Variants in FAM135A observed in about 807,000 individuals in gnomAD.
FAM135A encodes protein FAM135A.
A neutral mutation model predicts 146.8 loss-of-function variants in FAM135A; 79 were observed. That is an observed-to-expected ratio of 0.54 (90% CI 0.45 to 0.65). FAM135A has a LOEUF of 0.65. Among genes scored for constraint, FAM135A ranks in the 30% least tolerant of loss-of-function variants. FAM135A has a pLI of 0.00. For missense variants in FAM135A, 1,623 were observed against 1,758.2 expected (o/e 0.92, Z 1.38); for synonymous variants, 562 against 603.6 (o/e 0.93, Z 1.01).
intron 20 of FAM135A, among the ~76,000 whole-genome samples, chr6:70,546,264 C>T (rs1355449249): frequency 6.6e-6 from 1 of 152,100 alleles, no homozygotes; most frequent in Non-Finnish European, 1.5e-5. Flanking sequence ...TGTTTTAAAA[C>T]AATCAAAAGT....
chr6:70,526,171 C>T lies in FAM135A; in HGVS notation c.3087C>T (p.Ala1029=). 6.2e-7 allele frequency: 1 copy of T among 1,613,404 alleles called. No homozygotes were observed. Among genetic ancestry groups the T allele is most frequent in the Non-Finnish European group, 8.5e-7 (1 of 1,179,620 alleles). ...TGGGTACAAGTGATCCTTTTTCAGC[C>T]AGTACTGATATAGTAAAGCAAGGGC... The part of the protein sequence containing the change: ...THLGTSDPFS[A]STDIVKQGLV... Residue 1029 remains alanine, a synonymous_variant, in exon 15 of 22, where the codon GCC becomes GCT. Coordinates refer to ENST00000418814, the MANE Select transcript of FAM135A (RefSeq NM_001162529.3).
At chr6:70,477,426 T>A in intron 8 of FAM135A, 94 bp downstream of exon 8, 24 of 1,330,852 alleles carry the variant, frequency 1.8e-5, no homozygotes, top group Non-Finnish European at 2.5e-5. Flanking sequence ...AGAGGTTTAA[T>A]TGGGTCATGG....
At chr6:70,442,737 C>CA (rs138281077) in intron 4 of FAM135A, among the ~76,000 whole-genome samples, 26,259 of 149,972 alleles carry the variant, frequency 0.18, 2,335 homozygotes, top group Middle Eastern at 0.22. Flanking sequence ...CATCATATCC[C>CA]AAAAAAAAAG....
At chr6:70,420,222 C>T (rs960699150) in intron 2 of FAM135A, among the ~76,000 whole-genome samples, 2 of 152,222 alleles carry the variant, frequency 1.3e-5, no homozygotes, top group South Asian at 4.1e-4. Flanking sequence ...AGAACATCCT[C>T]AGGGCATCTG....
At chr6:70,556,906 A>G in intron 21 of FAM135A, 43 bp downstream of exon 21, 1 of 1,528,262 alleles carries the variant, frequency 6.5e-7, no homozygotes. Context: ...GGTATTAATG[A>G]GCTCTTTCCA....
At chr6:70,521,072 TAATATCATCCTAG>T in intron 12 of FAM135A, among the ~76,000 whole-genome samples, 1 of 152,354 alleles carries the variant, frequency 6.6e-6, no homozygotes, top group Non-Finnish European at 1.5e-5. Flanking sequence ...TAAATGAAGA[TAATATCATCCTAG>T]AGGTTTTTTT....
At chr6:70,492,243 A>G (rs1786164035) in intron 11 of FAM135A, among the ~76,000 whole-genome samples, 1 of 151,884 alleles carries the variant, frequency 6.6e-6, no homozygotes, top group Admixed American at 6.6e-5. Flanking sequence ...TATTATGTTT[A>G]ATAACTAAGT....
intron 20 of FAM135A, among the ~76,000 whole-genome samples, chr6:70,542,894 A>G (rs1798198024): frequency 6.6e-6 from 1 of 152,056 alleles, no homozygotes. Context: ...TTTGCCTCCC[A>G]TGTCTCAAAA....
intron 20 of FAM135A, among the ~76,000 whole-genome samples, chr6:70,544,920 G>A (rs1339061952): frequency 2.0e-5 from 3 of 151,472 alleles, no homozygotes; most frequent in Admixed American, 6.6e-5. Context: ...GCGTGGTGGC[G>A]GGTGCCTATA....
At chr6:70,465,898 C>T (rs1409940423) in intron 5 of FAM135A, among the ~76,000 whole-genome samples, 1 of 152,130 alleles carries the variant, frequency 6.6e-6, no homozygotes, top group Non-Finnish European at 1.5e-5. Flanking sequence ...AAGGCTCTTC[C>T]CTTTTATCTT....
chr6:70,427,784 T>C (rs897514955), intron 3 of FAM135A, among the ~76,000 whole-genome samples: 1 of 152,190 alleles, frequency 6.6e-6, no homozygotes, highest in Non-Finnish European at 1.5e-5. Context: ...TACTTTAGAA[T>C]TTGTAATAAA....
rs997368569 is a variant in FAM135A, at chr6:70,488,310, G to C, written c.824-2724G>C. On this transcript the variant is annotated intron_variant, in intron 10 of 21. Transcript: ENST00000418814. The stretch of plus-strand genomic sequence containing the variant: ...AGGTACCAGAATACTGTGGGGTAAT[G>C]CTGAGAGAAAAAAAGCAAGATGCAA... Among the ~76,000 whole-genome samples, 8 of 152,040 alleles carry C rather than the reference G, an allele frequency of 5.3e-5. 1 individual carries two copies. Among genetic ancestry groups the C allele is most frequent in the African/African-American group, 1.9e-4 (8 of 41,402 alleles).
At chr6:70,530,108 C>T (rs975573618) in intron 16 of FAM135A, among the ~76,000 whole-genome samples, 2 of 151,928 alleles carry the variant, frequency 1.3e-5, no homozygotes, top group African/African-American at 4.8e-5. Flanking sequence ...TTTAACCAAA[C>T]TCTAGCACTT....
At chr6:70,454,319 A>T (rs1346817306) in intron 5 of FAM135A, among the ~76,000 whole-genome samples, 1 of 152,146 alleles carries the variant, frequency 6.6e-6, no homozygotes, top group African/African-American at 2.4e-5. Flanking sequence ...CCTTTGTCAG[A>T]TGGGTAGATT....
intron 11 of FAM135A, 60 bp from the exon 12 acceptor site, chr6:70,502,576 A>G: frequency 6.6e-7 from 1 of 1,524,450 alleles, no homozygotes; most frequent in South Asian, 1.2e-5. Flanking sequence ...ATAACATTAT[A>G]TTTAAGTATG....
chr6:70,537,805 T>C (rs1259121207), intron 19 of FAM135A, among the ~76,000 whole-genome samples: 1 of 152,194 alleles, frequency 6.6e-6, no homozygotes. Flanking sequence ...ATAAAACAAA[T>C]GATATTCAGC....
At chr6:70,544,172 C>A (rs1459252513) in intron 20 of FAM135A, among the ~76,000 whole-genome samples, 1 of 151,972 alleles carries the variant, frequency 6.6e-6, no homozygotes, top group Admixed American at 6.6e-5. Context: ...AAGCTAGGTG[C>A]GGTAGCTCAC....
intron 20 of FAM135A, among the ~76,000 whole-genome samples, chr6:70,543,554 A>G (rs1468594571): frequency 6.6e-6 from 1 of 152,270 alleles, no homozygotes; most frequent in Non-Finnish European, 1.5e-5. Flanking sequence ...TACAGTATAC[A>G]GAAATATATA....
chr6:70,497,900 A>G (rs1235581146), intron 11 of FAM135A, among the ~76,000 whole-genome samples: 1 of 152,186 alleles, frequency 6.6e-6, no homozygotes, highest in Non-Finnish European at 1.5e-5. Context: ...GGATTTTCTC[A>G]TTGATGTTCA....
Sources: allele counts gnomAD v4.1 joint callset (sites outside exome capture counted in the v4.1 genomes callset), GRCh38; gene constraint gnomAD v4.1.1; transcripts MANE v1.5; gene names NCBI Gene and HGNC (gene_info 2026-07-23, HGNC 2026-07-21).